CHDH: variants seen among roughly 807,000 people sequenced by gnomAD.
CHDH encodes choline dehydrogenase, also known as choline dehydrogenase, mitochondrial.
CHDH carries 43 observed loss-of-function variants against 56.9 expected under a neutral mutation model. The observed-to-expected ratio is 0.76, with a 90% confidence interval of 0.59 to 0.97. The LOEUF (loss-of-function observed/expected upper bound fraction) is 0.97. CHDH is among the 50% of genes least tolerant of loss of function. The pLI is 0.00. For missense variants in CHDH, 816 were observed against 821.1 expected (o/e 0.99, Z 0.08); for synonymous variants, 364 against 348.5 (o/e 1.04, Z -0.50).
chr3:53,832,582 TG>T (rs1487598089), intron 2 of CHDH, among the ~76,000 whole-genome samples: 2 of 151,966 alleles, frequency 1.3e-5, no homozygotes, highest in Non-Finnish European at 1.5e-5. Flanking sequence ...AGATAAAATG[TG>T]GTATGTACAT....
rs138124394 is a variant in CHDH, at chr3:53,821,660, C to T, written c.972G>A (p.Val324=). The T allele has an allele frequency of 1.6e-4, 256 of 1,613,618 alleles. No individual in the cohort carries two copies. In the African/African-American group the frequency reaches 3.1e-3, roughly 20 times the overall value. The change falls in exon 5 of 9, where the codon GTG becomes GTA. Residue 324 remains valine (V), a synonymous_variant. Transcript: ENST00000315251. ...AAGGGGACTCACCAGGTAGGTGGCA[C>T]ACCACAGGGATGCCCAGTTTCTTGA... ...DDLKKLGIPV[V]CHLPGVGQNL... is the part of the protein sequence containing the mutation.
rs749427817 is a variant in CHDH, at chr3:53,817,891, G to A, written c.1671C>T (p.Asn557=). ...IMPSMVSGNL[N]APTIMIAEKA... ...TCTCTGCGATCATGATTGTGGGGGC[G>A]TTCAGGTTGCCGCTGACCATGCTAG... The change falls in exon 9 of 9, where the codon AAC becomes AAT. Residue 557 remains asparagine, a synonymous_variant. Coordinates refer to ENST00000315251, the MANE Select transcript of CHDH (RefSeq NM_018397.5). 29 of 1,614,088 alleles carry A rather than the reference G, an allele frequency of 1.8e-5. No homozygotes were observed. Among genetic ancestry groups the A allele is most frequent in the Non-Finnish European group, 2.0e-5 (24 of 1,180,050 alleles).
In CHDH at chr3:53,823,602, G is replaced by A; in HGVS notation, c.407C>T (p.Ala136Val). 6.5e-7 allele frequency: 1 copy of A among 1,543,876 alleles called. No individual in the cohort carries two copies. Among genetic ancestry groups the A allele is most frequent in the Non-Finnish European group, 8.7e-7 (1 of 1,146,360 alleles). Residue 136 changes from alanine (A) to valine (V), a missense_variant, in exon 3 of 9, where the codon GCC (alanine) becomes GTC (valine). Physicochemically the swap from Ala to Val is moderately conservative, Grantham distance 64. Transcript: ENST00000315251. ...RVWGGSSSLN[A>V]MVYVRGHAED... ...GGCGTGCCCACGGACGTAGACCATG[G>A]CATTGAGGGATGAGGAGCCACCCCA...
At chr3:53,832,111 A>G (rs1473430118) in intron 2 of CHDH, among the ~76,000 whole-genome samples, 2 of 152,340 alleles carry the variant, frequency 1.3e-5, no homozygotes, top group Non-Finnish European at 2.9e-5. Flanking sequence ...GTGATTCAGT[A>G]ATTCCACTCC....
rs1397667499 is a variant in CHDH at position 53,823,367 on chromosome 3, G to A, written c.642C>T (p.Thr214=). The A allele has an allele frequency of 6.9e-6, 11 of 1,604,976 alleles. No homozygotes were observed. Among genetic ancestry groups the A allele is most frequent in the Non-Finnish European group, 9.4e-6 (11 of 1,175,100 alleles). ...CCTGCTGGAAGCCATTCATGTCCTCGGTGAGCGGGTAGCCGGCCTGCTGCG... is the reference window on the plus strand; with the variant it reads ...CCTGCTGGAAGCCATTCATGTCCTCAGTGAGCGGGTAGCCGGCCTGCTGCG... ...EATQQAGYPL[T]EDMNGFQQEG... The change falls in exon 3 of 9, where the codon ACC becomes ACT. Residue 214 remains threonine, a synonymous_variant. Coordinates refer to ENST00000315251, the MANE Select transcript of CHDH (RefSeq NM_018397.5).
At chr3:53,845,719 G>C (rs1162376875) in intron 1 of CHDH, among the ~76,000 whole-genome samples, 2 of 152,200 alleles carry the variant, frequency 1.3e-5, no homozygotes, top group Non-Finnish European at 2.9e-5. Flanking sequence ...CCGGGCCAGG[G>C]AAACTTGAGA....
Position 53,819,155 on chromosome 3 carries a change from G to T in CHDH, c.1264-115C>A. 1.4e-6 allele frequency: 1 copy of T among 713,860 alleles called. No homozygotes were observed. The allele number at this position is 713,860 out of a possible 1,614,324, so 44.2% of individuals were successfully genotyped here. A position where few individuals can be genotyped will look rare whatever the true frequency, so the allele number is the denominator to read the frequency against. ...CTGCTTCCAGAATCAGTGGGGAACA[G>T]ATGCATGTTAGCATTTGCCCGCATG... On this transcript the variant is annotated intron_variant, in intron 7 of 8. Transcript: ENST00000315251. This position sits in a 1 kb window ranked among gnomAD's most constrained non-coding sequence, Gnocchi z 5.4.
At chr3:53,824,563 T>C (rs1218415504) in intron 2 of CHDH, among the ~76,000 whole-genome samples, 1 of 152,068 alleles carries the variant, frequency 6.6e-6, no homozygotes, top group Admixed American at 6.5e-5. Context: ...CTTAAATAAC[T>C]GAAGGAAGAT....
chr3:53,821,678 TTTC>T lies in CHDH; in HGVS notation c.951_953del (p.Lys318del). The T allele has an allele frequency of 6.2e-7, 1 of 1,613,880 alleles. No individual in the cohort carries two copies. The highest frequency in any genetic ancestry group is 8.5e-7 in the Non-Finnish European group (1 of 1,179,838). On this transcript the variant is annotated inframe_deletion, in exon 5 of 9. Coordinates refer to ENST00000315251, the MANE Select transcript of CHDH (RefSeq NM_018397.5). ...GGTGGCACACCACAGGGATGCCCAG[TTTC>T]TTGAGGTCATCAGCATTCCCGATGC...
At chr3:53,844,615 C>G (rs144047041) in intron 1 of CHDH, 47 of 152,740 alleles carry the variant, frequency 3.1e-4, no homozygotes, top group African/African-American at 1.1e-3. Flanking sequence ...GCCTGTGTGC[C>G]GAACAACACC....
chr3:53,826,409 G>T (rs1361597751), intron 2 of CHDH, among the ~76,000 whole-genome samples: 1 of 151,686 alleles, frequency 6.6e-6, no homozygotes, highest in African/African-American at 2.4e-5. Flanking sequence ...AGTATGTATA[G>T]AAAGAATTAT....
chr3:53,837,951 C>T (rs922943368), intron 2 of CHDH, among the ~76,000 whole-genome samples: 1 of 150,236 alleles, frequency 6.7e-6, no homozygotes, highest in Non-Finnish European at 1.5e-5. Flanking sequence ...CCCAGCTACT[C>T]GAGGCTTAGG....
At position 53,824,147 on chromosome 3, in the gene CHDH, T is replaced by C. The variant is rs545996040; in HGVS notation, c.-59-80A>G. ...TCACCAACGGCCTGCCGGGACAGGG[T>C]GCAGCAGGCCCAGCCTGATGTGGCT... On this transcript the variant is annotated intron_variant, in intron 2 of 8. Coordinates refer to ENST00000315251, the MANE Select transcript of CHDH (RefSeq NM_018397.5). 165 of 783,650 alleles carry C rather than the reference T, an allele frequency of 2.1e-4. 2 individuals are homozygous for C. In the South Asian group the frequency reaches 3.6e-3, roughly 17 times the overall value. 48.5% of individuals were successfully genotyped at this position (783,650 alleles called of 1,614,324 possible).
rs775732833 is a variant in CHDH at position 53,815,608 on chromosome 3, G to A, written c.*2169C>T. The A allele has an allele frequency of 1.3e-5, 2 of 152,162 alleles. No homozygotes were observed. Among genetic ancestry groups the A allele is most frequent in the African/African-American group, 4.8e-5 (2 of 41,432 alleles). 9.4% of individuals were successfully genotyped at this position (152,162 alleles called of 1,614,324 possible). A position where few individuals can be genotyped will look rare whatever the true frequency, so the allele number is the denominator to read the frequency against. On this transcript the variant is annotated 3_prime_UTR_variant, in exon 9 of 9. Transcript: ENST00000315251. ...CAATGGGCTCCTCTTACCATATGAC[G>A]TTTTGCTTATTTTAAAATACAGCCA... is the stretch of plus-strand genomic sequence containing the variant.
chr3:53,832,641 T>C (rs1698374713), intron 2 of CHDH, among the ~76,000 whole-genome samples: 1 of 152,204 alleles, frequency 6.6e-6, no homozygotes, highest in African/African-American at 2.4e-5. Context: ...TTCTGGCACA[T>C]GCTACAGCTT....
At position 53,845,786 on chromosome 3, in the gene CHDH, G is replaced by A. The variant is rs111395164; in HGVS notation, c.-131+297C>T. Among the ~76,000 whole-genome samples, 642 of 152,352 alleles carry A rather than the reference G, an allele frequency of 4.2e-3. 7 individuals are homozygous for A. Among genetic ancestry groups the A allele is most frequent in the African/African-American group, 0.015 (608 of 41,588 alleles). On this transcript the variant is annotated intron_variant, in intron 1 of 8. Coordinates refer to ENST00000315251, the MANE Select transcript of CHDH (RefSeq NM_018397.5). Reference sequence around the variant, plus strand: ...TTCCGCTTTGGGAGCCCCAGGTGTTGCTGTCCGAACTCACTTGGTGGAAAC... The same window carrying A: ...TTCCGCTTTGGGAGCCCCAGGTGTTACTGTCCGAACTCACTTGGTGGAAAC...
intron 2 of CHDH, among the ~76,000 whole-genome samples, chr3:53,829,131 C>T (rs1292883315): frequency 3.3e-5 from 5 of 151,920 alleles, no homozygotes; most frequent in Admixed American, 6.6e-5. Context: ...AATTACTAAA[C>T]GAAAGAAGCC....
rs2095621302 is a variant in CHDH, at chr3:53,819,155, GATGC to G, written c.1264-119_1264-116del. The G allele has an allele frequency of 1.4e-6, 1 of 713,860 alleles. No individual in the cohort carries two copies. The highest frequency in any genetic ancestry group is 2.4e-6 in the Non-Finnish European group (1 of 419,280). 44.2% of individuals were successfully genotyped at this position (713,860 alleles called of 1,614,324 possible). ...CTGCTTCCAGAATCAGTGGGGAACA[GATGC>G]ATGTTAGCATTTGCCCGCATGGTAC... is the stretch of plus-strand genomic sequence containing the variant. On this transcript the variant is annotated intron_variant, in intron 7 of 8. Transcript: ENST00000315251. The surrounding 1 kb of genome is among the most constrained non-coding windows in gnomAD (Gnocchi z 5.4).
intron 2 of CHDH, among the ~76,000 whole-genome samples, chr3:53,836,675 T>C (rs1470035016): frequency 6.6e-6 from 1 of 152,224 alleles, no homozygotes; most frequent in Non-Finnish European, 1.5e-5. Flanking sequence ...AGGCTGGCGC[T>C]GCGTCATGCT....
Sources: allele counts gnomAD v4.1 joint callset (sites outside exome capture counted in the v4.1 genomes callset), GRCh38; gene constraint gnomAD v4.1.1; non-coding constraint Gnocchi (gnomAD v3.1); transcripts MANE v1.5; gene names NCBI Gene and HGNC (gene_info 2026-07-23, HGNC 2026-07-21).